Variants in ADAMTS14 observed in about 807,000 individuals in gnomAD.
ADAMTS14 encodes ADAM metallopeptidase with thrombospondin type 1 motif 14.
ADAMTS14 carries 100 observed loss-of-function variants against 128.6 expected under a neutral mutation model. The observed-to-expected ratio is 0.78, with a 90% confidence interval of 0.66 to 0.92. The LOEUF (loss-of-function observed/expected upper bound fraction) is 0.92. ADAMTS14 is among the 40% of genes least tolerant of loss of function. The pLI, the probability that ADAMTS14 is intolerant of heterozygous loss-of-function variation, is 0.00. For synonymous variants in ADAMTS14, 665 were observed against 653.8 expected, an observed-to-expected ratio of 1.02 and a Z score of -0.26; for missense variants, 1,562 against 1,658.6, an observed-to-expected ratio of 0.94 and a Z score of 1.01.
At chr10:70,694,217 T>C (rs1312545288) in intron 2 of ADAMTS14, among the ~76,000 whole-genome samples, 1 of 152,238 alleles carries the variant, frequency 6.6e-6, no homozygotes, top group Non-Finnish European at 1.5e-5. Context: ...GTGTGCCACA[T>C]GCGTGTCGTC....
intron 4 of ADAMTS14, among the ~76,000 whole-genome samples, chr10:70,712,358 G>C (rs1289597579): frequency 6.6e-6 from 1 of 152,210 alleles, no homozygotes; most frequent in East Asian, 1.9e-4. Flanking sequence ...TGTAAGCCAA[G>C]CCCTATTGCA....
At chr10:70,706,707 G>C (rs1840678910) in intron 3 of ADAMTS14, among the ~76,000 whole-genome samples, 1 of 152,232 alleles carries the variant, frequency 6.6e-6, no homozygotes, top group Non-Finnish European at 1.5e-5. Context: ...GTGGCCACAC[G>C]TTTTTCCAGC....
rs982783737 is a variant in ADAMTS14, at chr10:70,760,659, C to T, written c.3478C>T (p.Pro1160Ser). ...CCCAGGAGCTCTGGATACAAGCTCC[C>T]CAGGGACCCAGCATCCCTTTGCCCC... Reference protein sequence around the residue: ...QLPGALDTSSPGTQHPFAPET... With the variant: ...QLPGALDTSSSGTQHPFAPET... Residue 1160 changes from proline to serine, a missense_variant, in exon 22 of 22, where the codon CCA (proline) becomes TCA (serine). Physicochemically the swap from Pro to Ser is moderately conservative, Grantham distance 74. Coordinates refer to ENST00000373207, the MANE Select transcript of ADAMTS14 (RefSeq NM_080722.4). 2 of 1,614,158 alleles carry T rather than the reference C, an allele frequency of 1.2e-6. No individual in the cohort carries two copies. Among genetic ancestry groups the T allele is most frequent in the East Asian group, 2.2e-5 (1 of 44,878 alleles).
At chr10:70,744,691 C>T (rs1218512963) in intron 14 of ADAMTS14, among the ~76,000 whole-genome samples, 2 of 152,192 alleles carry the variant, frequency 1.3e-5, no homozygotes, top group Admixed American at 6.5e-5. Flanking sequence ...CAGTCCTTCA[C>T]ACTTTAGTAT....
intron 4 of ADAMTS14, among the ~76,000 whole-genome samples, chr10:70,710,048 G>A (rs1230250877): frequency 1.3e-5 from 2 of 152,212 alleles, no homozygotes; most frequent in Non-Finnish European, 2.9e-5. Context: ...GCAGGCAGGG[G>A]CCAGATGCTG....
Position 70,698,250 on chromosome 10 carries a change from T to A in ADAMTS14, c.523-4062T>A, listed in dbSNP as rs185414354. Among the ~76,000 whole-genome samples the A allele has an allele frequency of 1.5e-3, 233 of 152,384 alleles. 1 individual carries two copies. Among genetic ancestry groups the A allele is most frequent in the Middle Eastern group, 3.4e-3 (1 of 294 alleles). On this transcript the variant is annotated intron_variant, in intron 2 of 21. Transcript: ENST00000373207. ...ATTTCTCCTTTTTTCTTGATTTTTT[T>A]ATACAGAAATTTGATTTGATTTTAG...
chr10:70,673,654 G>A (rs1034783668), intron 1 of ADAMTS14, among the ~76,000 whole-genome samples: 1 of 152,170 alleles, frequency 6.6e-6, no homozygotes, highest in Non-Finnish European at 1.5e-5. Context: ...GGATTTTCAG[G>A]AAACACCACT....
At chr10:70,759,357 TTCTC>T (rs371405895) in intron 21 of ADAMTS14, among the ~76,000 whole-genome samples, 194 of 151,074 alleles carry the variant, frequency 1.3e-3, no homozygotes, top group African/African-American at 3.8e-3. Flanking sequence ...ACCTCCCTCT[TTCTC>T]TCTCTCTCTC....
chr10:70,709,359 G>T (rs1416275328), intron 4 of ADAMTS14, among the ~76,000 whole-genome samples: 1 of 152,166 alleles, frequency 6.6e-6, no homozygotes, highest in Non-Finnish European at 1.5e-5. Context: ...GCCTGTGGCT[G>T]TCCTGCAGAG....
At chr10:70,750,131 C>A (rs1842308867) in intron 16 of ADAMTS14, 146 bp downstream of exon 16, 2 of 1,083,608 alleles carry the variant, frequency 1.8e-6, no homozygotes, top group African/African-American at 1.6e-5. Context: ...CTGGGATTAG[C>A]TCCTCATTTG....
intron 17 of ADAMTS14, 62 bp from the exon 18 acceptor site, chr10:70,752,033 C>A: frequency 3.2e-6 from 5 of 1,564,710 alleles, no homozygotes; most frequent in Non-Finnish European, 4.3e-6. Flanking sequence ...GCCCCTGAGG[C>A]CCCACCAGGG....
At chr10:70,679,896 G>A (rs1386004134) in intron 2 of ADAMTS14, among the ~76,000 whole-genome samples, 8 of 152,152 alleles carry the variant, frequency 5.3e-5, no homozygotes, top group Non-Finnish European at 8.8e-5. Flanking sequence ...AGTCACAGAA[G>A]CTCCTTCGGC....
At chr10:70,708,517 G>A (rs1367312988) in intron 3 of ADAMTS14, 71 bp from the exon 4 acceptor site, 4 of 1,380,972 alleles carry the variant, frequency 2.9e-6, no homozygotes, top group Middle Eastern at 2.4e-4. Flanking sequence ...ACAGAGGTGG[G>A]TGGTGGGCAA....
intron 10 of ADAMTS14, 124 bp downstream of exon 10, chr10:70,736,917 G>C: frequency 1.2e-6 from 1 of 809,624 alleles, no homozygotes; most frequent in Non-Finnish European, 2.0e-6. Context: ...AGTTGAGGGT[G>C]GTGCTAAAAG....
At chr10:70,714,076 C>T (rs1840942311) in intron 4 of ADAMTS14, among the ~76,000 whole-genome samples, 1 of 152,032 alleles carries the variant, frequency 6.6e-6, no homozygotes, top group South Asian at 2.1e-4. Flanking sequence ...ACCTGTAGTC[C>T]CAGCTACTCA....
intron 2 of ADAMTS14, among the ~76,000 whole-genome samples, chr10:70,679,524 G>A (rs1839740180): frequency 6.6e-6 from 1 of 152,190 alleles, no homozygotes; most frequent in Admixed American, 6.5e-5. Flanking sequence ...GCAGAGTGGG[G>A]TCCCTGCTTC....
rs140768447 is a variant in ADAMTS14 at position 70,760,734 on chromosome 10, G to C, written c.3553G>C (p.Gly1185Arg). 6.2e-7 allele frequency: 1 copy of C among 1,613,884 alleles called. No individual in the cohort carries two copies. Among genetic ancestry groups the C allele is most frequent in the Non-Finnish European group, 8.5e-7 (1 of 1,179,944 alleles). ...ASWSISPTTP[G>R]GLPWGWTQTP... ...CTGGAGCATCTCCCCTACCACCCCCGGGGGGCTGCCTTGGGGCTGGACTCA... is the reference window on the plus strand; with the variant it reads ...CTGGAGCATCTCCCCTACCACCCCCCGGGGGCTGCCTTGGGGCTGGACTCA... Residue 1185 changes from glycine to arginine, a missense_variant, in exon 22 of 22, where the codon GGG (glycine) becomes CGG (arginine). By Grantham distance (125) the Gly-to-Arg change is moderately radical. Coordinates refer to ENST00000373207, the MANE Select transcript of ADAMTS14 (RefSeq NM_080722.4).
chr10:70,681,362 G>A (rs957963631), intron 2 of ADAMTS14, among the ~76,000 whole-genome samples: 2 of 152,150 alleles, frequency 1.3e-5, no homozygotes, highest in African/African-American at 4.8e-5. Flanking sequence ...CTGTAGGGAA[G>A]GAAATCCTGT....
chr10:70,692,975 G>T (rs1412253613), intron 2 of ADAMTS14, among the ~76,000 whole-genome samples: 2 of 152,274 alleles, frequency 1.3e-5, no homozygotes, highest in East Asian at 3.9e-4. Flanking sequence ...TCATGATTCT[G>T]CAGGCTGTAC....
Sources: allele counts gnomAD v4.1 joint callset (sites outside exome capture counted in the v4.1 genomes callset), GRCh38; gene constraint gnomAD v4.1.1; transcripts MANE v1.5; gene names NCBI Gene and HGNC (gene_info 2026-07-23, HGNC 2026-07-21).